The following SP6 variants were observed in gnomAD, a reference collection of about 807,000 sequenced individuals.
The protein encoded by SP6 is Sp6 transcription factor.
In SP6, 10 loss-of-function variants were observed where a neutral mutation model predicts 23.4. The observed-to-expected ratio is 0.43, with a 90% CI of 0.26 to 0.72. The LOEUF is 0.72. SP6 is among the 30% of genes least tolerant of loss of function. The pLI is 0.23. For missense variants in SP6, 482 were observed against 523.8 expected (o/e 0.92, Z 0.78); for synonymous variants, 238 against 238.7 (o/e 1.00, Z 0.03).
rs1016387595 is a variant in SP6, at chr17:47,846,330, G to A, written c.*969C>T. The A allele has an allele frequency of 1.3e-5, 2 of 152,256 alleles. No individual in the cohort carries two copies. Among genetic ancestry groups the A allele is most frequent in the Admixed American group, 1.3e-4 (2 of 15,278 alleles). 9.4% of individuals were successfully genotyped at this position (152,256 alleles called of 1,614,324 possible). On this transcript the variant is annotated 3_prime_UTR_variant, in exon 2 of 2. Transcript: ENST00000536300. The stretch of plus-strand genomic sequence containing the variant: ...CCCAATCTGCCCTCAACCAGCCCAA[G>A]AAACCCTCTTCCTTCCATCCCTGAG...
At chr17:47,865,261 G>C in the SP6 span, 1 of 152,314 alleles carries the variant, frequency 6.6e-6, no homozygotes, top group Non-Finnish European at 1.5e-5. Flanking sequence ...CATTAGGGGA[G>C]GGGACCCAGG....
chr17:47,847,694 C>G lies in SP6; in HGVS notation c.736G>C (p.Asp246His). The change falls in exon 2 of 2, where the codon GAT becomes CAT. Residue 246 changes from aspartate (D) to histidine (H), a missense_variant. Asp to His is a moderately conservative substitution (Grantham distance 81). Around this residue, in one of 3 missense-constraint regions of SP6, gnomAD observed 51 missense variants for 92.1 expected, o/e 0.55. Coordinates refer to ENST00000536300, the MANE Select transcript of SP6 (RefSeq NM_001258248.2). Reference sequence around the variant, plus strand: ...TGCAAATGCTTCTTCTTGCCCCCATCGGGCCCACATGGAGCCCCCAGTCGC... The same window carrying G: ...TGCAAATGCTTCTTCTTGCCCCCATGGGGCCCACATGGAGCCCCCAGTCGC... The part of the protein sequence containing the change: ...AERLGAPCGP[D>H]GGKKKHLHNC... 4 of 1,607,324 alleles carry G rather than the reference C, an allele frequency of 2.5e-6. No homozygotes were observed. The highest frequency in any genetic ancestry group is 3.4e-6 in the Non-Finnish European group (4 of 1,176,168).
chr17:47,860,997 A>G, the SP6 span, among the ~76,000 whole-genome samples: 1 of 152,204 alleles, frequency 6.6e-6, no homozygotes, highest in Non-Finnish European at 1.5e-5. Context: ...CGAGAGGGGA[A>G]TTAGAGAGGA....
At chr17:47,858,142 G>A (rs1022591348), upstream of SP6, among the ~76,000 whole-genome samples, 2 of 151,808 alleles carry the variant, frequency 1.3e-5, no homozygotes, top group Admixed American at 1.3e-4. Context: ...TCCTTCTTCA[G>A]CTCTCTAATT....
At chr17:47,862,507 C>CAAAAAA in the SP6 span, among the ~76,000 whole-genome samples, 1 of 86,044 alleles carries the variant, frequency 1.2e-5, no homozygotes, top group African/African-American at 5.7e-5. Context: ...GACTTTGTCT[C>CAAAAAA]AAAAAAAAAA....
Position 47,847,711 on chromosome 17 carries a change from C to G in SP6, c.719G>C (p.Gly240Ala), listed in dbSNP as rs1457101705. ...GCCCCCATCGGGCCCACATGGAGCC[C>G]CCAGTCGCTCCGCCTCCAGACAGTT... ...CPNCLEAERLGAPCGPDGGKK... is the reference protein window; with the variant it reads ...CPNCLEAERLAAPCGPDGGKK... Residue 240 changes from glycine to alanine, a missense_variant, in exon 2 of 2, where the codon GGG (glycine) becomes GCG (alanine). Coordinates refer to ENST00000536300, the MANE Select transcript of SP6 (RefSeq NM_001258248.2). 6.2e-7 allele frequency: 1 copy of G among 1,600,668 alleles called. No homozygotes were observed. Among genetic ancestry groups the G allele is most frequent in the South Asian group, 1.1e-5 (1 of 89,634 alleles).
In SP6 at chr17:47,844,971, C is replaced by G. The variant is rs567844118; in HGVS notation, c.*2328G>C. On this transcript the variant is annotated 3_prime_UTR_variant, in exon 2 of 2. Coordinates refer to ENST00000536300, the MANE Select transcript of SP6 (RefSeq NM_001258248.2). ...GGCTGTTTCTCCCTCCTCCTACCCCCTCAAAGTGAGTTCACAGCAGTTAAA... is the reference window on the plus strand; with the variant it reads ...GGCTGTTTCTCCCTCCTCCTACCCCGTCAAAGTGAGTTCACAGCAGTTAAA... 7.2e-5 allele frequency: 11 copies of G among 152,762 alleles called. No homozygotes were observed. The highest frequency in any genetic ancestry group is 2.6e-4 in the African/African-American group (11 of 41,568). 9.5% of individuals were successfully genotyped at this position (152,762 alleles called of 1,614,324 possible).
At chr17:47,865,199 C>T in the SP6 span, 1 of 152,350 alleles carries the variant, frequency 6.6e-6, no homozygotes, top group Non-Finnish European at 1.5e-5. Context: ...GAGTGCTGGG[C>T]TAGTCTCTTT....
At position 47,847,833 on chromosome 17, in the gene SP6, A is replaced by T. The variant is rs775471956; in HGVS notation, c.597T>A (p.Ser199=). Residue 199 remains serine (S), a synonymous_variant, in exon 2 of 2, where the codon TCT becomes TCA. Coordinates refer to ENST00000536300, the MANE Select transcript of SP6 (RefSeq NM_001258248.2). ...CGTCCAGGCTGGAATCCAGCCCTTG[A>T]GACTCCGGGGCGGCTACTTCCAAGG... ...AKALEVAAPE[S]QGLDSSLDGA... 67 of 1,523,332 alleles carry T rather than the reference A, an allele frequency of 4.4e-5. No individual in the cohort carries two copies. The East Asian group carries it at 1.5e-3, about 34-fold the overall frequency. 94.4% of individuals were successfully genotyped at this position (1,523,332 alleles called of 1,614,324 possible).
At chr17:47,871,455 A>G in the SP6 span, among the ~76,000 whole-genome samples, 1 of 152,206 alleles carries the variant, frequency 6.6e-6, no homozygotes, top group African/African-American at 2.4e-5. Flanking sequence ...AAGAATGAGA[A>G]GTTTGCTTTC....
upstream of SP6, among the ~76,000 whole-genome samples, chr17:47,858,741 C>A (rs1056685403): frequency 1.3e-5 from 2 of 149,290 alleles, no homozygotes; most frequent in African/African-American, 2.5e-5. Context: ...AGCTTTCCTG[C>A]ACCTAATTAA....
At chr17:47,865,726 C>T in the SP6 span, among the ~76,000 whole-genome samples, 2 of 152,146 alleles carry the variant, frequency 1.3e-5, no homozygotes, top group African/African-American at 4.8e-5. Context: ...AGTGAGCAAA[C>T]AGCATCCAAA....
At chr17:47,867,046 C>T in the SP6 span, among the ~76,000 whole-genome samples, 1 of 152,088 alleles carries the variant, frequency 6.6e-6, no homozygotes, top group Non-Finnish European at 1.5e-5. Flanking sequence ...AGGATGAAAG[C>T]GAGGTTGTGC....
the SP6 span, among the ~76,000 whole-genome samples, chr17:47,862,343 CA>C: frequency 0.035 from 3,852 of 110,276 alleles, 154 homozygotes; most frequent in African/African-American, 0.12. Context: ...GACTAAGTCT[CA>C]AAAAAAAAAA....
rs1444256720 is a variant in SP6 at position 47,846,948 on chromosome 17, C to T, written c.*351G>A. On this transcript the variant is annotated 3_prime_UTR_variant, in exon 2 of 2. Coordinates refer to ENST00000536300, the MANE Select transcript of SP6 (RefSeq NM_001258248.2). ...CGCCCCGGGCCGGCCCCACTTCTCT[C>T]TGCTCCGGGGACTGGGACTTGCTGT... 4.2e-6 allele frequency: 1 copy of T among 239,424 alleles called. No homozygotes were observed. The highest frequency in any genetic ancestry group is 8.0e-6 in the Non-Finnish European group (1 of 124,896). 14.8% of individuals were successfully genotyped at this position (239,424 alleles called of 1,614,324 possible).
chr17:47,855,357 G>A (rs2033990813), upstream of SP6, among the ~76,000 whole-genome samples: 1 of 152,194 alleles, frequency 6.6e-6, no homozygotes, highest in South Asian at 2.1e-4. Context: ...AGGGCAGTGA[G>A]TGTGTGTGCC....
upstream of SP6, among the ~76,000 whole-genome samples, chr17:47,860,290 C>G (rs146456640): frequency 2.7e-3 from 407 of 152,300 alleles, 1 homozygote; most frequent in African/African-American, 9.6e-3. Flanking sequence ...CTCTCTAAAG[C>G]CTTCTCCAGT....
rs1193157480 is a variant in SP6 at position 47,850,953 on chromosome 17, T to TCCGGGCACG, written c.-93_-92insCGTGCCCGG. Reference sequence around the variant, plus strand: ...GCGGCGGGCTCCGGGCACGGCTGGCTGGTGCGCTACTGACGGTCGCTCATA... The same window carrying TCCGGGCACG: ...GCGGCGGGCTCCGGGCACGGCTGGCTCCGGGCACGGGTGCGCTACTGACGGTCGCTCATA... On this transcript the variant is annotated 5_prime_UTR_variant, in exon 1 of 2. Transcript: ENST00000536300. The TCCGGGCACG allele has an allele frequency of 1.3e-5, 2 of 152,366 alleles. No individual in the cohort carries two copies. The highest frequency in any genetic ancestry group is 2.9e-5 in the Non-Finnish European group (2 of 68,212). 9.4% of individuals were successfully genotyped at this position (152,366 alleles called of 1,614,324 possible). A position where few individuals can be genotyped will look rare whatever the true frequency, so the allele number is the denominator to read the frequency against.
In SP6 at chr17:47,848,035, A is replaced by C. The variant is rs1202314443; in HGVS notation, c.395T>G (p.Leu132Arg). 1 of 1,611,754 alleles carries C rather than the reference A, an allele frequency of 6.2e-7. No homozygotes were observed. The highest frequency in any genetic ancestry group is 1.7e-5 in the Admixed American group (1 of 59,878). The part of the protein sequence containing the change: ...DLHPGTSWMD[L>R]PHTQGALTSP... The stretch of plus-strand genomic sequence containing the variant: ...GGTCAGCGCGCCCTGAGTGTGGGGG[A>C]GGTCCATCCAGCTGGTGCCCGGATG... The change falls in exon 2 of 2, where the codon CTC becomes CGC. Residue 132 changes from leucine (L) to arginine (R), a missense_variant. Coordinates refer to ENST00000536300, the MANE Select transcript of SP6 (RefSeq NM_001258248.2). The surrounding 1 kb of genome is among the most constrained non-coding windows in gnomAD (Gnocchi z 5.3).
Sources: allele counts gnomAD v4.1 joint callset (sites outside exome capture counted in the v4.1 genomes callset), GRCh38; gene constraint gnomAD v4.1.1; regional missense constraint gnomAD v4.1.1; non-coding constraint Gnocchi (gnomAD v3.1); transcripts MANE v1.5; gene names NCBI Gene and HGNC (gene_info 2026-07-23, HGNC 2026-07-21).